ANTXR1: variants seen among roughly 807,000 people sequenced by gnomAD.
The protein encoded by ANTXR1 is ANTXR cell adhesion molecule 1, also known as anthrax toxin receptor 1.
A neutral mutation model predicts 78.1 loss-of-function variants in ANTXR1; 19 were observed. That is an observed-to-expected ratio of 0.24 (90% CI 0.17 to 0.36). The LOEUF (loss-of-function observed/expected upper bound fraction) is 0.36. Among genes scored for constraint, ANTXR1 ranks in the 10% least tolerant of loss-of-function variants. The pLI, the probability that ANTXR1 is intolerant of heterozygous loss-of-function variation, is 1.00. For missense variants in ANTXR1, 518 were observed against 718.6 expected (o/e 0.72, Z 3.19); for synonymous variants, 273 against 260.5 (o/e 1.05, Z -0.46).
intron 17 of ANTXR1, among the ~76,000 whole-genome samples, chr2:69,213,631 T>A (rs1015565011): frequency 1.3e-5 from 2 of 152,232 alleles, no homozygotes; most frequent in African/African-American, 2.4e-5. Flanking sequence ...TTGCCAGAGC[T>A]CCACCCTGGA....
chr2:69,060,375 C>G (rs1670198515), intron 3 of ANTXR1, among the ~76,000 whole-genome samples: 2 of 152,138 alleles, frequency 1.3e-5, no homozygotes, highest in Non-Finnish European at 2.9e-5. Context: ...TCCTCCAAAG[C>G]TCATGCTTCT....
At chr2:69,179,466 T>C (rs1357973304) in intron 14 of ANTXR1, among the ~76,000 whole-genome samples, 1 of 150,734 alleles carries the variant, frequency 6.6e-6, no homozygotes, top group Non-Finnish European at 1.5e-5. Context: ...GAGAATTGCT[T>C]GAGCTGTGGT....
chr2:69,040,752 C>T (rs760012658), intron 2 of ANTXR1, among the ~76,000 whole-genome samples: 3 of 152,180 alleles, frequency 2.0e-5, no homozygotes, highest in Non-Finnish European at 4.4e-5. Context: ...TGTGTGCAGC[C>T]TCCAAGGGAT....
At chr2:69,098,620 A>ACT (rs754585478) in intron 9 of ANTXR1, among the ~76,000 whole-genome samples, 1 of 152,240 alleles carries the variant, frequency 6.6e-6, no homozygotes, top group Non-Finnish European at 1.5e-5. Flanking sequence ...CTATCGAACT[A>ACT]CTTACTGACC....
intron 10 of ANTXR1, chr2:69,103,230 A>T (rs1041314609): frequency 6.7e-6 from 3 of 446,636 alleles, no homozygotes; most frequent in Admixed American, 6.8e-5. Context: ...GCCCTGCAGC[A>T]GCCCTCCGGA....
intron 1 of ANTXR1, among the ~76,000 whole-genome samples, chr2:69,036,196 C>A (rs1187512569): frequency 1.3e-5 from 2 of 152,182 alleles, no homozygotes; most frequent in Admixed American, 1.3e-4. Flanking sequence ...CATTGCTTCT[C>A]CTCCTAGTAT....
chr2:69,182,761 C>A, intron 16 of ANTXR1, 101 bp downstream of exon 16: 1 of 1,478,618 alleles, frequency 6.8e-7, no homozygotes, highest in Non-Finnish European at 9.4e-7. Context: ...AACCTAAAAC[C>A]CAGCTTATCA....
At chr2:69,235,140 C>T (rs1302926769) in intron 17 of ANTXR1, among the ~76,000 whole-genome samples, 1 of 151,010 alleles carries the variant, frequency 6.6e-6, no homozygotes, top group Non-Finnish European at 1.5e-5. Context: ...TCTCCTGCCT[C>T]AGCCTCCTAA....
chr2:69,121,154 T>C (rs1672333882), intron 10 of ANTXR1, among the ~76,000 whole-genome samples: 2 of 152,282 alleles, frequency 1.3e-5, no homozygotes, highest in South Asian at 2.1e-4. Context: ...ATCACAATTA[T>C]AATTACATAA....
intron 12 of ANTXR1, chr2:69,134,919 A>G (rs1179505136): frequency 1.0e-5 from 3 of 292,576 alleles, no homozygotes; most frequent in Non-Finnish European, 2.2e-5. Context: ...ATAGAGCCAT[A>G]CATAACTCAA....
At chr2:69,212,582 T>C (rs1053379903) in intron 17 of ANTXR1, among the ~76,000 whole-genome samples, 2 of 152,238 alleles carry the variant, frequency 1.3e-5, no homozygotes, top group Non-Finnish European at 2.9e-5. Flanking sequence ...ATATTTGTAC[T>C]ATTCAGAAAA....
chr2:69,190,079 A>T (rs1674514095), intron 16 of ANTXR1, among the ~76,000 whole-genome samples: 1 of 152,176 alleles, frequency 6.6e-6, no homozygotes. Context: ...GAAGGCCACC[A>T]TGTCAGGTGT....
At chr2:69,232,979 T>G (rs1248721636) in intron 17 of ANTXR1, among the ~76,000 whole-genome samples, 1 of 152,176 alleles carries the variant, frequency 6.6e-6, no homozygotes, top group Non-Finnish European at 1.5e-5. Context: ...AAGAATGCCC[T>G]GTGAACAAAG....
chr2:69,225,255 G>A (rs1185890512), intron 17 of ANTXR1, among the ~76,000 whole-genome samples: 2 of 152,134 alleles, frequency 1.3e-5, no homozygotes, highest in African/African-American at 2.4e-5. Flanking sequence ...TTTCTCTCCT[G>A]GGTAACACTC....
intron 16 of ANTXR1, among the ~76,000 whole-genome samples, chr2:69,184,612 G>T (rs967148531): frequency 6.6e-6 from 1 of 152,164 alleles, no homozygotes; most frequent in African/African-American, 2.4e-5. Flanking sequence ...AATTCTGTTT[G>T]AAAACTCCGG....
intron 17 of ANTXR1, among the ~76,000 whole-genome samples, chr2:69,222,481 G>T (rs190280204): frequency 2.3e-3 from 349 of 152,294 alleles, no homozygotes; most frequent in Non-Finnish European, 4.0e-3. Flanking sequence ...CAAAGTTGTA[G>T]TTAGTCATTC....
At chr2:69,167,157 G>A (rs529442533) in intron 13 of ANTXR1, among the ~76,000 whole-genome samples, 16 of 152,330 alleles carry the variant, frequency 1.1e-4, no homozygotes, top group African/African-American at 3.6e-4. Context: ...AAGTGAAGGA[G>A]AGAGACACAG....
intron 3 of ANTXR1, among the ~76,000 whole-genome samples, chr2:69,069,915 A>G (rs1010098507): frequency 6.6e-6 from 1 of 152,178 alleles, no homozygotes; most frequent in African/African-American, 2.4e-5. Context: ...TGAGTCAGAA[A>G]TTTTACTTTA....
chr2:69,136,924 C>T (rs1558588387), intron 12 of ANTXR1, among the ~76,000 whole-genome samples: 2 of 152,184 alleles, frequency 1.3e-5, no homozygotes, highest in Admixed American at 1.3e-4. Context: ...GAAGTCAATG[C>T]TGTCATGGGT....
Sources: allele counts gnomAD v4.1 joint callset (sites outside exome capture counted in the v4.1 genomes callset), GRCh38; gene constraint gnomAD v4.1.1; transcripts MANE v1.5; gene names NCBI Gene and HGNC (gene_info 2026-07-23, HGNC 2026-07-21).